ADH1B: variants seen among roughly 807,000 people sequenced by gnomAD.
ADH1B encodes the protein alcohol dehydrogenase 1B (class I), beta polypeptide.
In ADH1B, 29 loss-of-function variants were observed where a neutral mutation model predicts 34.6. That is an observed-to-expected ratio of 0.84 (90% confidence interval 0.62 to 1.14). The LOEUF (loss-of-function observed/expected upper bound fraction) is 1.14. Ranked by LOEUF, ADH1B falls within the 50% of genes most tolerant of loss-of-function variation. The pLI is 0.00. For missense variants in ADH1B, 424 were observed against 468.4 expected (o/e 0.91, Z 0.87); for synonymous variants, 170 against 175.5 (o/e 0.97, Z 0.25).
chr4:99,318,243 C>A lies in ADH1B; in HGVS notation c.121-59G>T, dbSNP rs1036541346. 7 of 1,598,474 alleles carry A rather than the reference C, an allele frequency of 4.4e-6. No homozygotes were observed. In the Admixed American group the frequency reaches 1.0e-4, roughly 24 times the overall value. On this transcript the variant is annotated intron_variant, in intron 2 of 8. Transcript: ENST00000305046. ...AAAGATTGTAACTAGATGAATTTAA[C>A]ATACCCAAATTCCTGAAATTGTGTT... is the stretch of plus-strand genomic sequence containing the variant.
At chr4:99,319,071 G>A in intron 1 of ADH1B, 185 bp from the exon 2 acceptor site, 3 of 766,388 alleles carry the variant, frequency 3.9e-6, no homozygotes, top group South Asian at 2.9e-5. Flanking sequence ...AATAACATAA[G>A]GAAAGATAAA....
Position 99,318,158 on chromosome 4 carries a change from T to G in ADH1B, c.147A>C (p.Thr49=), listed in dbSNP as rs772635726. The G allele has an allele frequency of 5.6e-6, 9 of 1,614,158 alleles. No individual in the cohort carries two copies. The East Asian group carries it at 2.0e-4, about 36-fold the overall frequency. The change falls in exon 3 of 9, where the codon ACA becomes ACC. Residue 49 remains threonine, a synonymous_variant. Coordinates refer to ENST00000305046, the MANE Select transcript of ADH1B (RefSeq NM_000668.6). The part of the protein sequence containing the change: ...IKMVAVGICH[T]DDHVVSGNLV... ...GGTTGCCACTAACCACGTGGTCATC[T>G]GTGTGACAGATTCCTACAGCCACCA... is the stretch of plus-strand genomic sequence containing the variant.
Position 99,307,493 on chromosome 4 carries a change from C to T in ADH1B, c.*347G>A, listed in dbSNP as rs1733639018. The T allele has an allele frequency of 6.1e-6, 2 of 329,438 alleles. No homozygotes were observed. Among genetic ancestry groups the T allele is most frequent in the Non-Finnish European group, 1.1e-5 (2 of 176,488 alleles). The allele number at this position is 329,438 out of a possible 1,614,324, so 20.4% of individuals were successfully genotyped here. A position where few individuals can be genotyped will look rare whatever the true frequency, so the allele number is the denominator to read the frequency against. ...TCAGGGCAAGTAAAAGGGTCCCCTC[C>T]ACTGGGATTCGATGACTAAAGATTA... On this transcript the variant is annotated 3_prime_UTR_variant, in exon 9 of 9. Coordinates refer to ENST00000305046, the MANE Select transcript of ADH1B (RefSeq NM_000668.6).
At chr4:99,315,131 AT>A (rs1241972573) in intron 5 of ADH1B, 2 of 152,238 alleles carry the variant, frequency 1.3e-5, no homozygotes, top group African/African-American at 4.8e-5. Context: ...TTTGAAAAAG[AT>A]ATTTTAGTCT....
At chr4:99,318,451 C>T (rs1006800194) in intron 2 of ADH1B, 10 of 520,056 alleles carry the variant, frequency 1.9e-5, no homozygotes, top group Non-Finnish European at 2.6e-5. Flanking sequence ...TAAGAATGCA[C>T]GCTTTAAAAA....
At chr4:99,315,801 C>G in intron 5 of ADH1B, 97 bp downstream of exon 5, 1 of 1,499,748 alleles carries the variant, frequency 6.7e-7, no homozygotes, top group South Asian at 1.2e-5. Flanking sequence ...CACTTTAAAT[C>G]TACAAAAATA....
chr4:99,318,292 G>A (rs1357482228), intron 2 of ADH1B, 108 bp from the exon 3 acceptor site: 3 of 1,432,352 alleles, frequency 2.1e-6, no homozygotes, highest in Non-Finnish European at 2.9e-6. Flanking sequence ...TGAGGGTTTT[G>A]CTACTAATCC....
chr4:99,318,679 T>A lies in ADH1B; in HGVS notation c.120+106A>T, dbSNP rs1480208275. 5 of 1,030,522 alleles carry A rather than the reference T, an allele frequency of 4.9e-6. No homozygotes were observed. In the African/African-American group the frequency reaches 8.2e-5, roughly 17 times the overall value. The allele number at this position is 1,030,522 out of a possible 1,614,324, so 63.8% of individuals were successfully genotyped here. On this transcript the variant is annotated intron_variant, in intron 2 of 8. Transcript: ENST00000305046. ...AACAAATGTAATTTTATCTTCTGGG[T>A]GATCATATAAGATATGCCTCTTAGT...
Position 99,311,562 on chromosome 4 carries a change from A to T in ADH1B, c.923T>A (p.Leu308Gln). The T allele has an allele frequency of 6.2e-7, 1 of 1,614,090 alleles. No individual in the cohort carries two copies. The highest frequency in any genetic ancestry group is 8.5e-7 in the Non-Finnish European group (1 of 1,179,952). The change falls in exon 7 of 9, where the codon CTG becomes CAG. Residue 308 changes from leucine (L) to glutamine (Q), a missense_variant. By Grantham distance (113) the Leu-to-Gln change is moderately radical. Around this residue, in one of 3 missense-constraint regions of ADH1B, gnomAD observed 130 missense variants for 151.8 expected, o/e 0.86. Coordinates refer to ENST00000305046, the MANE Select transcript of ADH1B (RefSeq NM_000668.6). ...CTTCCAGGTGCGTCCAGTCAGTAGC[A>T]GCATAGGGTTTATTGAGAGGTTCTG... Reference protein sequence around the residue: ...ASQNLSINPMLLLTGRTWKGA... With the variant: ...ASQNLSINPMQLLTGRTWKGA...
At chr4:99,312,443 G>A (rs1328450907) in intron 6 of ADH1B, among the ~76,000 whole-genome samples, 2 of 152,164 alleles carry the variant, frequency 1.3e-5, no homozygotes, top group Non-Finnish European at 2.9e-5. Flanking sequence ...AGGCTGCCGA[G>A]AGCTTTGATC....
chr4:99,316,523 G>C (rs915510591), intron 3 of ADH1B: 2 of 577,456 alleles, frequency 3.5e-6, no homozygotes, highest in Admixed American at 3.1e-5. Flanking sequence ...CGCAAATGTG[G>C]GAGACCACAC....
rs1177037400 is a variant in ADH1B, at chr4:99,305,559, GTGTATATATATATATATATATA to G, written c.*2259_*2280del. The G allele has an allele frequency of 0.033, 1,416 of 43,104 alleles. 109 individuals carry two copies. The highest frequency in any genetic ancestry group is 0.16 in the Middle Eastern group (13 of 80). The allele number at this position is 43,104 out of a possible 1,614,324, so 2.7% of individuals were successfully genotyped here. On this transcript the variant is annotated 3_prime_UTR_variant, in exon 9 of 9. Transcript: ENST00000305046. ...AACTATATGAACCACTTGCCCCATA[GTGTATATATATATATATATATA>G]TATATATATATATATATATATATAT...
At position 99,316,012 on chromosome 4, in the gene ADH1B, C is replaced by G. The variant is rs139645116; in HGVS notation, c.453G>C (p.Thr151=). Residue 151 remains threonine, a synonymous_variant, in exon 5 of 9, where the codon ACG becomes ACC. Coordinates refer to ENST00000305046, the MANE Select transcript of ADH1B (RefSeq NM_000668.6). ...TGGCCACTGCATTCTCATCCACCAC[C>G]GTGTACTGGGAGAAGGTGCTGGTGC... ...FLGTSTFSQY[T]VVDENAVAKI... The G allele has an allele frequency of 6.2e-7, 1 of 1,614,178 alleles. No homozygotes were observed. The highest frequency in any genetic ancestry group is 8.5e-7 in the Non-Finnish European group (1 of 1,180,024).
intron 2 of ADH1B, chr4:99,318,553 G>C (rs1292377919): frequency 1.9e-6 from 1 of 524,570 alleles, no homozygotes; most frequent in African/African-American, 2.0e-5. Context: ...ATTTTTTTCT[G>C]TACAAACATA....
At chr4:99,312,103 A>G (rs2110632106) in intron 6 of ADH1B, among the ~76,000 whole-genome samples, 1 of 152,342 alleles carries the variant, frequency 6.6e-6, no homozygotes, top group South Asian at 2.1e-4. Context: ...ACATTAAAAT[A>G]CACTGATCAT....
In ADH1B at chr4:99,305,601, A is replaced by G. The variant is rs1450013289; in HGVS notation, c.*2239T>C. The G allele has an allele frequency of 3.3e-5, 4 of 122,246 alleles. No individual in the cohort carries two copies. The highest frequency in any genetic ancestry group is 8.8e-5 in the African/African-American group (3 of 34,202). 7.6% of individuals were successfully genotyped at this position (122,246 alleles called of 1,614,324 possible). On this transcript the variant is annotated 3_prime_UTR_variant, in exon 9 of 9. Coordinates refer to ENST00000305046, the MANE Select transcript of ADH1B (RefSeq NM_000668.6). ...TATATATATATATATATATATATAT[A>G]TATATATACAATCACTTAACTATAT...
intron 7 of ADH1B, 65 bp from the exon 8 acceptor site, chr4:99,310,968 T>A: frequency 6.4e-7 from 1 of 1,570,520 alleles, no homozygotes; most frequent in Non-Finnish European, 8.6e-7. Flanking sequence ...AAGAGAAGAT[T>A]TTCCAAATAA....
At chr4:99,314,320 C>T (rs770932872) in intron 5 of ADH1B, 1 of 646,028 alleles carries the variant, frequency 1.5e-6, no homozygotes, top group Admixed American at 3.1e-5. Context: ...CAAAATATCC[C>T]ACAGTCCAGG....
chr4:99,311,029 A>G (rs1467948727), intron 7 of ADH1B, 126 bp from the exon 8 acceptor site: 1 of 1,145,420 alleles, frequency 8.7e-7, no homozygotes, highest in Admixed American at 2.3e-5. Flanking sequence ...ACTGAGGATA[A>G]GAAGAGATAC....
Sources: allele counts gnomAD v4.1 joint callset (sites outside exome capture counted in the v4.1 genomes callset), GRCh38; gene constraint gnomAD v4.1.1; regional missense constraint gnomAD v4.1.1; transcripts MANE v1.5; gene names NCBI Gene and HGNC (gene_info 2026-07-23, HGNC 2026-07-21).